The following DDAH1 variants were observed in gnomAD, a reference collection of about 807,000 sequenced individuals.
DDAH1 encodes the protein N(G),N(G)-dimethylarginine dimethylaminohydrolase 1.
Under a neutral mutation model 28.8 loss-of-function variants are expected in DDAH1, and 19 were observed. The ratio of observed to expected loss-of-function variants is 0.66; its 90% confidence interval spans 0.46 to 0.97. The LOEUF is 0.97. Among genes scored for constraint, DDAH1 ranks in the 50% least tolerant of loss-of-function variants. The pLI is 0.00. For missense variants in DDAH1, 326 were observed against 375.9 expected (o/e 0.87, Z 1.10); for synonymous variants, 153 against 154.4 (o/e 0.99, Z 0.07).
intron 4 of DDAH1, among the ~76,000 whole-genome samples, chr1:85,338,744 A>C (rs1029973288): frequency 1.3e-5 from 2 of 152,114 alleles, no homozygotes; most frequent in Non-Finnish European, 2.9e-5. Flanking sequence ...TACACTATTC[A>C]AATTAATATG....
chr1:85,379,766 A>G (rs1650878584), intron 1 of DDAH1: 1 of 933,394 alleles, frequency 1.1e-6, no homozygotes, highest in Non-Finnish European at 1.3e-6. Flanking sequence ...TAATGTCATC[A>G]CTGTCCTCTT....
At chr1:85,351,356 C>G in intron 3 of DDAH1, 150 bp downstream of exon 3, 1 of 664,820 alleles carries the variant, frequency 1.5e-6, no homozygotes, top group Non-Finnish European at 2.5e-6. Context: ...TTTATAGCTT[C>G]TAAAACTTCT....
At chr1:85,521,608 C>T in intron 1 of DDAH1, 1 of 981,590 alleles carries the variant, frequency 1.0e-6, no homozygotes, top group Non-Finnish European at 1.2e-6. Flanking sequence ...CCAAAGACTC[C>T]ATAGACTCAC....
At chr1:85,337,490 G>C (rs1648213821) in intron 4 of DDAH1, among the ~76,000 whole-genome samples, 1 of 148,394 alleles carries the variant, frequency 6.7e-6, no homozygotes, top group Non-Finnish European at 1.5e-5. Flanking sequence ...GTCTCACTCT[G>C]TCACCCAGGC....
At chr1:85,558,502 CA>C (rs1014627944) in intron 1 of DDAH1, among the ~76,000 whole-genome samples, 4 of 152,202 alleles carry the variant, frequency 2.6e-5, no homozygotes, top group Admixed American at 6.5e-5. Context: ...ATGGCCCAGA[CA>C]ACTCCATTAT....
intron 4 of DDAH1, among the ~76,000 whole-genome samples, chr1:85,342,387 A>AGTGTGTGT (rs58992773): frequency 1.8e-4 from 26 of 147,978 alleles, no homozygotes; most frequent in Admixed American, 3.4e-4. Flanking sequence ...TTTTTCTATG[A>AGTGTGTGT]GTGTGTGTGT....
intron 1 of DDAH1, among the ~76,000 whole-genome samples, chr1:85,385,300 T>C (rs1217591668): frequency 2.0e-5 from 3 of 152,178 alleles, no homozygotes; most frequent in African/African-American, 4.8e-5. Flanking sequence ...TCAGAATGGC[T>C]TGGAGAAAAA....
At chr1:85,398,576 A>T (rs1651919235) in intron 1 of DDAH1, 1 of 152,180 alleles carries the variant, frequency 6.6e-6, no homozygotes. Context: ...GACAAGTCTC[A>T]TGTGTGATGT....
chr1:85,566,223 G>A (rs558175274), intron 1 of DDAH1, among the ~76,000 whole-genome samples: 59 of 151,882 alleles, frequency 3.9e-4, no homozygotes, highest in African/African-American at 1.4e-3. Flanking sequence ...AGTAGAGAAT[G>A]GGCCATGTGA....
intron 1 of DDAH1, among the ~76,000 whole-genome samples, chr1:85,547,204 G>T (rs560324986): frequency 6.6e-6 from 1 of 152,280 alleles, no homozygotes; most frequent in South Asian, 2.1e-4. Flanking sequence ...GAGCCTCAAT[G>T]TCCTCATTTC....
chr1:85,461,021 A>T (rs1655100351), intron 1 of DDAH1, among the ~76,000 whole-genome samples: 1 of 152,174 alleles, frequency 6.6e-6, no homozygotes, highest in Non-Finnish European at 1.5e-5. Context: ...AGGCTGAAGC[A>T]GGAGGATTGT....
intron 1 of DDAH1, among the ~76,000 whole-genome samples, chr1:85,394,642 T>C (rs970308006): frequency 6.6e-5 from 10 of 152,214 alleles, no homozygotes; most frequent in African/African-American, 1.9e-4. Context: ...GCAACTAACA[T>C]TGGCATACTG....
At chr1:85,371,203 G>A (rs950062784) in intron 1 of DDAH1, among the ~76,000 whole-genome samples, 1 of 152,150 alleles carries the variant, frequency 6.6e-6, no homozygotes, top group African/African-American at 2.4e-5. Context: ...CTAGATCAAA[G>A]GTCTGGAAAC....
intron 1 of DDAH1, among the ~76,000 whole-genome samples, chr1:85,527,711 T>A (rs1657923677): frequency 6.6e-6 from 1 of 152,344 alleles, no homozygotes; most frequent in African/African-American, 2.4e-5. Context: ...GCAATTTTTT[T>A]TTCATATTGG....
At chr1:85,418,177 A>AAAAC (rs1317586872) in intron 1 of DDAH1, among the ~76,000 whole-genome samples, 1 of 152,224 alleles carries the variant, frequency 6.6e-6, no homozygotes, top group African/African-American at 2.4e-5. Flanking sequence ...ACCAAACACA[A>AAAAC]AAACATACAT....
intron 1 of DDAH1, among the ~76,000 whole-genome samples, chr1:85,496,524 G>T (rs1456746242): frequency 6.6e-6 from 1 of 152,188 alleles, no homozygotes; most frequent in Non-Finnish European, 1.5e-5. Flanking sequence ...AATGTCAGGA[G>T]ATGTTCTGTA....
intron 1 of DDAH1, among the ~76,000 whole-genome samples, chr1:85,366,692 G>A (rs77635269): frequency 0.011 from 1,669 of 152,110 alleles, 52 homozygotes; most frequent in Admixed American, 0.058. Context: ...TCCAATCAGA[G>A]GCAAGAGGCT....
rs942796488 is a variant in DDAH1 at position 85,424,119 on chromosome 1, T to C, written c.303+40624A>G. Among the ~76,000 whole-genome samples, 5 of 152,180 alleles carry C rather than the reference T, an allele frequency of 3.3e-5. No individual in the cohort carries two copies. In the East Asian group the frequency reaches 9.6e-4, roughly 29 times the overall value. ...TATATTATTAGATTCAATTTCCTAATATTTCATTGAAGATTTTGTATCTAT... is the reference window on the plus strand; with the variant it reads ...TATATTATTAGATTCAATTTCCTAACATTTCATTGAAGATTTTGTATCTAT... On this transcript the variant is annotated intron_variant, in intron 1 of 5. Transcript: ENST00000284031.
chr1:85,471,402 TTAAG>T (rs1458141886), intron 2 of DDAH1, among the ~76,000 whole-genome samples: 1 of 152,202 alleles, frequency 6.6e-6, no homozygotes, highest in Non-Finnish European at 1.5e-5. Context: ...TCAGAATTCT[TTAAG>T]TATGCCATTT....
Sources: allele counts gnomAD v4.1 joint callset (sites outside exome capture counted in the v4.1 genomes callset), GRCh38; gene constraint gnomAD v4.1.1; transcripts MANE v1.5; gene names NCBI Gene and HGNC (gene_info 2026-07-23, HGNC 2026-07-21).